The following SERPINA6 variants were observed in gnomAD, a reference collection of about 807,000 sequenced individuals.
SERPINA6 encodes corticosteroid-binding globulin.
Under a neutral mutation model 26.4 loss-of-function variants are expected in SERPINA6, and 19 were observed. That is an observed-to-expected ratio of 0.72 (90% CI 0.50 to 1.06). The LOEUF (loss-of-function observed/expected upper bound fraction) is 1.06, where lower values mean the gene tolerates loss of function less well. Ranked by LOEUF, SERPINA6 falls within the 50% of genes least tolerant of loss-of-function variation. SERPINA6 has a pLI of 0.00. For missense variants in SERPINA6, 473 were observed against 504.0 expected (o/e 0.94, Z 0.59); for synonymous variants, 196 against 199.4 (o/e 0.98, Z 0.14).
intron 3 of SERPINA6, among the ~76,000 whole-genome samples, chr14:94,309,285 G>T (rs1441101977): frequency 6.7e-6 from 1 of 149,300 alleles, no homozygotes; most frequent in Non-Finnish European, 1.5e-5. Flanking sequence ...ACCATTCATA[G>T]ATTTTGCATT....
At chr14:94,312,326 C>T (rs72704356) in intron 2 of SERPINA6, among the ~76,000 whole-genome samples, 3,151 of 152,318 alleles carry the variant, frequency 0.021, 54 homozygotes, top group Non-Finnish European at 0.029. Flanking sequence ...ACACCCATTC[C>T]ACCACATGTG....
chr14:94,319,521 C>A (rs1006267174), intron 1 of SERPINA6, among the ~76,000 whole-genome samples: 2 of 152,182 alleles, frequency 1.3e-5, no homozygotes, highest in African/African-American at 4.8e-5. Context: ...AAAGTCACAG[C>A]AGCATTATTC....
At chr14:94,321,745 C>T (rs1895686824) in intron 1 of SERPINA6, among the ~76,000 whole-genome samples, 1 of 152,216 alleles carries the variant, frequency 6.6e-6, no homozygotes, top group Admixed American at 6.5e-5. Context: ...CAGGTCACCG[C>T]CTCCAGGAAG....
At chr14:94,309,434 C>A (rs1260774187) in intron 3 of SERPINA6, among the ~76,000 whole-genome samples, 1 of 152,112 alleles carries the variant, frequency 6.6e-6, no homozygotes, top group Non-Finnish European at 1.5e-5. Context: ...GGTGAACTTA[C>A]TTTAAGAAAA....
intron 3 of SERPINA6, among the ~76,000 whole-genome samples, chr14:94,306,516 A>C (rs1895443650): frequency 6.6e-6 from 1 of 152,206 alleles, no homozygotes; most frequent in African/African-American, 2.4e-5. Context: ...TGGAGCATTT[A>C]AGACAATAGT....
rs766006279 is a variant in SERPINA6 at position 94,314,042 on chromosome 14, A to G, written c.607T>C (p.Phe203Leu). 3.1e-6 allele frequency: 5 copies of G among 1,614,026 alleles called. No homozygotes were observed. The highest frequency in any genetic ancestry group is 1.3e-5 in the African/African-American group (1 of 74,910). The change falls in exon 2 of 5, where the codon TTC (phenylalanine) becomes CTC (leucine). Residue 203 changes from phenylalanine to leucine, a missense_variant. Phe to Leu is a conservative substitution (Grantham distance 22, BLOSUM62 0). Transcript: ENST00000341584. ...AILVLVNYIF[F>L]KGTWTQPFDL... Reference sequence around the variant, plus strand: ...TGGGGATGGGTGGGAATACCTTTGAAGAAGATATAGTTGACCAGGACGAGG... The same window carrying G: ...TGGGGATGGGTGGGAATACCTTTGAGGAAGATATAGTTGACCAGGACGAGG...
intron 1 of SERPINA6, among the ~76,000 whole-genome samples, chr14:94,318,779 C>G (rs757518566): frequency 6.6e-6 from 1 of 151,984 alleles, no homozygotes; most frequent in African/African-American, 2.4e-5. Flanking sequence ...CACACCAAAG[C>G]CATGGGCAAC....
In SERPINA6 at chr14:94,314,023, T is replaced by A. The variant is rs1895571897; in HGVS notation, c.613+13A>T. The A allele has an allele frequency of 3.1e-6, 5 of 1,614,070 alleles. No individual in the cohort carries two copies. Among genetic ancestry groups the A allele is most frequent in the African/African-American group, 2.7e-5 (2 of 75,022 alleles). Reference sequence around the variant, plus strand: ...TAGTGGATGGGCCTTCAGATGGGGATGGGTGGGAATACCTTTGAAGAAGAT... The same window carrying A: ...TAGTGGATGGGCCTTCAGATGGGGAAGGGTGGGAATACCTTTGAAGAAGAT... On this transcript the variant is annotated intron_variant, in intron 2 of 4. Coordinates refer to ENST00000341584, the MANE Select transcript of SERPINA6 (RefSeq NM_001756.4).
At chr14:94,317,368 A>T (rs184464712) in intron 1 of SERPINA6, among the ~76,000 whole-genome samples, 5 of 152,190 alleles carry the variant, frequency 3.3e-5, no homozygotes, top group African/African-American at 1.2e-4. Context: ...GAGACAGTCA[A>T]GTGTAAAGAG....
chr14:94,316,735 T>C (rs1895619941), intron 1 of SERPINA6, among the ~76,000 whole-genome samples: 1 of 152,130 alleles, frequency 6.6e-6, no homozygotes, highest in African/African-American at 2.4e-5. Context: ...TTTACCAATA[T>C]GGGTGGGCAT....
intron 4 of SERPINA6, among the ~76,000 whole-genome samples, chr14:94,305,745 GTTTC>G (rs1352370155): frequency 1.3e-5 from 2 of 152,180 alleles, no homozygotes; most frequent in African/African-American, 4.8e-5. Flanking sequence ...CACTTTTCCT[GTTTC>G]TTTTTGCCAG....
intron 2 of SERPINA6, among the ~76,000 whole-genome samples, chr14:94,310,696 C>T (rs1270488525): frequency 6.6e-6 from 1 of 152,176 alleles, no homozygotes; most frequent in Non-Finnish European, 1.5e-5. Flanking sequence ...TCAGACTGAG[C>T]CAAAGCCTGC....
chr14:94,317,189 G>T (rs1009112046), intron 1 of SERPINA6, among the ~76,000 whole-genome samples: 2 of 152,000 alleles, frequency 1.3e-5, no homozygotes, highest in African/African-American at 4.8e-5. Flanking sequence ...TACCCAATTT[G>T]GATTTATTTC....
intron 1 of SERPINA6, among the ~76,000 whole-genome samples, chr14:94,316,682 A>G (rs1895619270): frequency 6.6e-6 from 1 of 152,232 alleles, no homozygotes; most frequent in Non-Finnish European, 1.5e-5. Context: ...TTTCTGGAAG[A>G]AATTGGCATA....
At chr14:94,319,865 G>C (rs1463975236) in intron 1 of SERPINA6, among the ~76,000 whole-genome samples, 3 of 152,140 alleles carry the variant, frequency 2.0e-5, no homozygotes, top group South Asian at 2.1e-4. Flanking sequence ...AAAAGTTCCG[G>C]ACATGGAAGG....
intron 3 of SERPINA6, among the ~76,000 whole-genome samples, chr14:94,308,327 G>A (rs1895472315): frequency 6.6e-6 from 1 of 152,036 alleles, no homozygotes; most frequent in Admixed American, 6.5e-5. Flanking sequence ...TAGAGTGCAT[G>A]TCTTTAAGGG....
Position 94,309,904 on chromosome 14 carries a change from G to C in SERPINA6, c.716C>G (p.Thr239Ser), listed in dbSNP as rs764555427. 2.5e-6 allele frequency: 4 copies of C among 1,613,990 alleles called. No individual in the cohort carries two copies. In the African/African-American group the frequency reaches 5.3e-5, roughly 22 times the overall value. Residue 239 changes from threonine to serine, a missense_variant, in exon 3 of 5, where the codon ACC becomes AGC. Coordinates refer to ENST00000341584, the MANE Select transcript of SERPINA6 (RefSeq NM_001756.4). ...CTCCGAGTCATGAAGGTAACTGATG[G>C]TGCTCGACTGCAACATCATGGGCAC... ...VKVPMMLQSS[T>S]ISYLHDSELP...
intron 3 of SERPINA6, among the ~76,000 whole-genome samples, chr14:94,307,553 A>C (rs1895460265): frequency 6.6e-6 from 1 of 152,182 alleles, no homozygotes; most frequent in African/African-American, 2.4e-5. Context: ...TTTTCAGTGG[A>C]GTATGAGCTG....
chr14:94,306,160 C>T lies in SERPINA6; in HGVS notation c.943G>A (p.Val315Met). 1 of 1,614,204 alleles carries T rather than the reference C, an allele frequency of 6.2e-7. No homozygotes were observed. Among genetic ancestry groups the T allele is most frequent in the African/African-American group, 1.3e-5 (1 of 75,048 alleles). ...TISGVYDLGD[V>M]LEEMGIADLF... The stretch of plus-strand genomic sequence containing the variant: ...TCTGCAATGCCCATTTCCTCCAGCA[C>T]ATCTCCGAGGTCATAGACTCCAGAG... Residue 315 changes from valine to methionine, a missense_variant, in exon 4 of 5, where the codon GTG becomes ATG. Transcript: ENST00000341584.
Sources: gnomAD v4.1 joint callset for allele counts (sites outside exome capture counted in the v4.1 genomes callset) on GRCh38, gnomAD v4.1.1 for gene constraint, MANE v1.5 for transcripts, NCBI Gene and HGNC (gene_info 2026-07-23, HGNC 2026-07-21) for gene names.